Variants in MGAT4C observed in about 807,000 individuals in gnomAD.
MGAT4C encodes MGAT4 family member C.
MGAT4C carries 19 observed loss-of-function variants against 40.1 expected under a neutral mutation model. That is an observed-to-expected ratio of 0.47 (90% CI 0.33 to 0.70). The LOEUF (loss-of-function observed/expected upper bound fraction) is 0.70. Ranked by LOEUF, MGAT4C falls within the 30% of genes least tolerant of loss-of-function variation. The pLI is 0.02. For missense variants in MGAT4C, 491 were observed against 563.2 expected, an observed-to-expected ratio of 0.87 and a Z score of 1.30; for synonymous variants, 181 against 187.1, an observed-to-expected ratio of 0.97 and a Z score of 0.27.
chr12:86,218,174 T>G (rs1950744237), intron 1 of MGAT4C, among the ~76,000 whole-genome samples: 1 of 152,122 alleles, frequency 6.6e-6, no homozygotes, highest in South Asian at 2.1e-4. Context: ...CTTTGTATTA[T>G]TAGTTTCTGC....
chr12:86,703,312 A>AT (rs1380067076), intron 2 of MGAT4C, among the ~76,000 whole-genome samples: 4 of 152,240 alleles, frequency 2.6e-5, no homozygotes, highest in Non-Finnish European at 4.4e-5. Context: ...TCCAATTTTG[A>AT]AAGTTCTATT....
rs749894209 is a variant in MGAT4C, at chr12:85,974,511, A to G, written c.*4778T>C. 7.3e-5 allele frequency: 11 copies of G among 150,804 alleles called. No homozygotes were observed. The highest frequency in any genetic ancestry group is 1.6e-4 in the Non-Finnish European group (11 of 67,044). The allele number at this position is 150,804 out of a possible 1,614,324, so 9.3% of individuals were successfully genotyped here. On this transcript the variant is annotated 3_prime_UTR_variant, in exon 5 of 5. Coordinates refer to ENST00000611864, the MANE Select transcript of MGAT4C (RefSeq NM_001351288.2). ...ATTCACATAATATTCAAGTATGTAT[A>G]CATATATACACATATGTACATACAC...
intron 1 of MGAT4C, among the ~76,000 whole-genome samples, chr12:86,096,569 T>C (rs545339465): frequency 6.6e-6 from 1 of 151,752 alleles, no homozygotes; most frequent in South Asian, 2.1e-4. Context: ...AAATAATTTG[T>C]TTTGGATTAC....
chr12:86,283,148 C>A lies in MGAT4C; in HGVS notation c.-57+50917G>T, dbSNP rs141846671. On this transcript the variant is annotated intron_variant, in intron 4 of 7. Transcript: ENST00000548651. ...TTCTGCCTCCTCAGAACAATGAGAG[C>A]ACTATGCTTTTCTTGGGTTCTACCA... 5.9e-3 allele frequency among the ~76,000 whole-genome samples: 889 copies of A among 151,870 alleles called. 4 individuals are homozygous for A. The highest frequency in any genetic ancestry group is 0.01 in the Middle Eastern group (3 of 294).
At chr12:86,759,920 T>C (rs747622891) in intron 1 of MGAT4C, among the ~76,000 whole-genome samples, 2 of 152,096 alleles carry the variant, frequency 1.3e-5, no homozygotes, top group African/African-American at 2.4e-5. Flanking sequence ...ATATTTACTT[T>C]TGTTTGCTGG....
chr12:86,131,696 T>A (rs150812917), intron 1 of MGAT4C, among the ~76,000 whole-genome samples: 173 of 152,120 alleles, frequency 1.1e-3, no homozygotes, highest in African/African-American at 3.9e-3. Context: ...AATTTACTGA[T>A]AATCAAGATA....
chr12:86,704,269 G>C (rs760649969), intron 2 of MGAT4C, among the ~76,000 whole-genome samples: 18 of 152,064 alleles, frequency 1.2e-4, no homozygotes, highest in Non-Finnish European at 2.2e-4. Flanking sequence ...TTAAGCTATG[G>C]GTCAGCCCGT....
At chr12:86,052,076 T>C (rs1259115164) in intron 1 of MGAT4C, among the ~76,000 whole-genome samples, 1 of 151,762 alleles carries the variant, frequency 6.6e-6, no homozygotes, top group East Asian at 1.9e-4. Context: ...CTTAAATATA[T>C]GTTCCTAAAT....
At chr12:86,718,175 A>C (rs1286551666) in intron 2 of MGAT4C, among the ~76,000 whole-genome samples, 1 of 152,160 alleles carries the variant, frequency 6.6e-6, no homozygotes, top group Non-Finnish European at 1.5e-5. Flanking sequence ...TTGTTGAGAA[A>C]CCCTGATCTA....
intron 1 of MGAT4C, among the ~76,000 whole-genome samples, chr12:86,074,495 G>A (rs1298878836): frequency 6.6e-6 from 1 of 152,076 alleles, no homozygotes; most frequent in African/African-American, 2.4e-5. Flanking sequence ...TTTTATAGAA[G>A]TGAGTGCAAG....
chr12:86,452,751 A>C (rs557590395), intron 2 of MGAT4C, among the ~76,000 whole-genome samples: 1 of 152,212 alleles, frequency 6.6e-6, no homozygotes, highest in South Asian at 2.1e-4. Flanking sequence ...TAATACATGT[A>C]AAGGTACTGC....
chr12:86,766,281 A>C (rs1383697319), intron 1 of MGAT4C, among the ~76,000 whole-genome samples: 1 of 152,128 alleles, frequency 6.6e-6, no homozygotes, highest in East Asian at 1.9e-4. Flanking sequence ...AGGCCATTAC[A>C]TAATGGTAAA....
chr12:86,244,131 C>T (rs1196158671), intron 1 of MGAT4C, among the ~76,000 whole-genome samples: 2 of 152,152 alleles, frequency 1.3e-5, no homozygotes, highest in African/African-American at 4.8e-5. Context: ...GTCATGCCTA[C>T]GCCTACACGC....
At chr12:86,631,884 C>G (rs1208060729) in intron 2 of MGAT4C, among the ~76,000 whole-genome samples, 1 of 152,036 alleles carries the variant, frequency 6.6e-6, no homozygotes, top group Non-Finnish European at 1.5e-5. Context: ...GCAATGGCAA[C>G]AAAAGCTAAA....
At chr12:86,388,211 C>T (rs765311035) in intron 3 of MGAT4C, among the ~76,000 whole-genome samples, 8 of 151,950 alleles carry the variant, frequency 5.3e-5, no homozygotes, top group African/African-American at 1.7e-4. Context: ...AGAAGCTTTT[C>T]GCAGTGTTAT....
chr12:86,067,853 C>G (rs1351641225), intron 1 of MGAT4C, among the ~76,000 whole-genome samples: 3 of 152,232 alleles, frequency 2.0e-5, no homozygotes, highest in South Asian at 4.1e-4. Context: ...TGTTGATGAT[C>G]AGATGCCAAA....
chr12:86,581,154 A>T (rs1960763094), intron 2 of MGAT4C, among the ~76,000 whole-genome samples: 2 of 151,444 alleles, frequency 1.3e-5, no homozygotes, highest in Admixed American at 1.3e-4. Flanking sequence ...TAAGCATAGG[A>T]AAGGGCATAC....
At chr12:86,329,816 T>TA (rs1954617726) in intron 4 of MGAT4C, among the ~76,000 whole-genome samples, 1 of 152,206 alleles carries the variant, frequency 6.6e-6, no homozygotes, top group Non-Finnish European at 1.5e-5. Context: ...TCCATGGTGT[T>TA]AGAGTTAAAA....
intron 3 of MGAT4C, among the ~76,000 whole-genome samples, chr12:86,412,870 G>A (rs1224784650): frequency 6.6e-6 from 1 of 152,140 alleles, no homozygotes; most frequent in African/African-American, 2.4e-5. Context: ...GAAGGTGATT[G>A]GATCATCAGG....
Sources: allele counts gnomAD v4.1 joint callset (sites outside exome capture counted in the v4.1 genomes callset), GRCh38; gene constraint gnomAD v4.1.1; transcripts MANE v1.5; gene names NCBI Gene and HGNC (gene_info 2026-07-23, HGNC 2026-07-21).